The following ADCY8 variants were observed in gnomAD, a reference collection of about 807,000 sequenced individuals.
ADCY8 encodes adenylate cyclase 8.
Under a neutral mutation model 119.7 loss-of-function variants are expected in ADCY8, and 51 were observed. The ratio of observed to expected loss-of-function variants is 0.43; its 90% CI spans 0.34 to 0.54. The LOEUF (loss-of-function observed/expected upper bound fraction) is 0.54, where lower values mean the gene tolerates loss of function less well. ADCY8 is among the 20% of genes least tolerant of loss of function. ADCY8 has a pLI of 0.03. For synonymous variants in ADCY8, 665 were observed against 651.0 expected, an observed-to-expected ratio of 1.02 and a Z score of -0.33; for missense variants, 1,383 against 1,598.8, an observed-to-expected ratio of 0.87 and a Z score of 2.30.
At chr8:130,903,603 C>T (rs922777942) in intron 7 of ADCY8, among the ~76,000 whole-genome samples, 169 bp downstream of exon 7, 8 of 149,584 alleles carry the variant, frequency 5.3e-5, no homozygotes, top group Admixed American at 2.0e-4. Context: ...AAATTGCATA[C>T]GAGGTTAATT....
At chr8:130,973,243 T>A (rs1722214419) in intron 2 of ADCY8, among the ~76,000 whole-genome samples, 1 of 152,252 alleles carries the variant, frequency 6.6e-6, no homozygotes, top group South Asian at 2.1e-4. Flanking sequence ...TGCTTGCACA[T>A]ATGTGCATAA....
At chr8:131,029,410 T>G (rs1381791224) in intron 1 of ADCY8, among the ~76,000 whole-genome samples, 1 of 152,186 alleles carries the variant, frequency 6.6e-6, no homozygotes, top group Non-Finnish European at 1.5e-5. Context: ...AAACCATTCC[T>G]TGGTGCCAAA....
At chr8:130,948,704 T>C (rs576800353) in intron 3 of ADCY8, among the ~76,000 whole-genome samples, 3 of 145,926 alleles carry the variant, frequency 2.1e-5, no homozygotes, top group Non-Finnish European at 4.5e-5. Flanking sequence ...CAGTTTACCA[T>C]GAAGAGGGTG....
At chr8:130,990,713 A>G (rs1216639219) in intron 1 of ADCY8, 171 bp from the exon 2 acceptor site, 1 of 779,604 alleles carries the variant, frequency 1.3e-6, no homozygotes, top group African/African-American at 1.8e-5. Flanking sequence ...GGCAAATGTC[A>G]TCCCTTTGGA....
At position 130,780,816 on chromosome 8, in the gene ADCY8, A is replaced by G. The variant is rs375241333; in HGVS notation, c.3330T>C (p.Ile1110=). The change falls in exon 18 of 18, where the codon ATT becomes ATC. Residue 1110 remains isoleucine, a synonymous_variant. Transcript: ENST00000286355. ...TTGCCAGGTTCACAGTTTTGCCCCA[A>G]ATGTCATACTGTGGTTTCTTAGCGC... is the stretch of plus-strand genomic sequence containing the variant. The part of the protein sequence containing the change: ...VIGAKKPQYD[I]WGKTVNLASR... 5.2e-5 allele frequency: 84 copies of G among 1,614,020 alleles called. No homozygotes were observed. In the Middle Eastern group the frequency reaches 1.3e-3, roughly 25 times the overall value.
intron 2 of ADCY8, among the ~76,000 whole-genome samples, chr8:130,977,161 G>A (rs138244779): frequency 2.7e-4 from 41 of 152,286 alleles, no homozygotes; most frequent in Non-Finnish European, 4.1e-4. Flanking sequence ...GGGTGTGAGC[G>A]CATGGTGTTT....
chr8:130,950,994 G>A (rs1321964051), intron 3 of ADCY8, among the ~76,000 whole-genome samples: 7 of 152,160 alleles, frequency 4.6e-5, no homozygotes, highest in South Asian at 2.1e-4. Flanking sequence ...GACCGTGCCC[G>A]GCCAGTACAT....
intron 1 of ADCY8, among the ~76,000 whole-genome samples, chr8:130,999,294 C>T (rs1822871135): frequency 6.6e-6 from 1 of 152,172 alleles, no homozygotes; most frequent in South Asian, 2.1e-4. Context: ...TCTATGAATT[C>T]TTCTGGAACA....
At chr8:130,954,395 G>A (rs1482641508) in intron 2 of ADCY8, among the ~76,000 whole-genome samples, 1 of 152,172 alleles carries the variant, frequency 6.6e-6, no homozygotes, top group Non-Finnish European at 1.5e-5. Context: ...CAAGTCCATG[G>A]ACATATTTAT....
chr8:130,812,668 G>A (rs933824969), intron 14 of ADCY8, among the ~76,000 whole-genome samples: 8 of 152,156 alleles, frequency 5.3e-5, no homozygotes, highest in Non-Finnish European at 1.2e-4. Context: ...CCAGCACCTT[G>A]ATTTCAGACT....
intron 5 of ADCY8, among the ~76,000 whole-genome samples, chr8:130,936,488 C>T (rs185381190): frequency 1.5e-4 from 23 of 152,276 alleles, no homozygotes; most frequent in Admixed American, 1.4e-3. Flanking sequence ...ACTCTTTCCA[C>T]CCCAGGCTTC....
At chr8:130,898,594 C>A (rs1156350545) in intron 7 of ADCY8, among the ~76,000 whole-genome samples, 1 of 152,128 alleles carries the variant, frequency 6.6e-6, no homozygotes, top group African/African-American at 2.4e-5. Flanking sequence ...CAGAAACATG[C>A]CTGGATTCTC....
At chr8:130,944,453 G>A (rs1245907435) in intron 3 of ADCY8, among the ~76,000 whole-genome samples, 2 of 152,158 alleles carry the variant, frequency 1.3e-5, no homozygotes, top group Non-Finnish European at 2.9e-5. Context: ...TTTTCTTAGT[G>A]TTGCCTAAAA....
chr8:131,005,119 A>G (rs1312795618), intron 1 of ADCY8, among the ~76,000 whole-genome samples: 2 of 152,206 alleles, frequency 1.3e-5, no homozygotes, highest in Non-Finnish European at 2.9e-5. Context: ...GAAAAAATAA[A>G]TCCTTATCAC....
chr8:130,821,337 A>G lies in ADCY8; in HGVS notation c.2754+5T>C. ...CAGAGCAGTCAGAGCGAAATGTTAG[A>G]TTACCTGCTGTCCATGGTAGAACAC... On this transcript the variant is annotated splice_donor_5th_base_variant and intron_variant, in intron 13 of 17. Coordinates refer to ENST00000286355, the MANE Select transcript of ADCY8 (RefSeq NM_001115.3). 1 of 1,611,912 alleles carries G rather than the reference A, an allele frequency of 6.2e-7. No homozygotes were observed. The highest frequency in any genetic ancestry group is 1.3e-5 in the African/African-American group (1 of 74,998).
chr8:130,856,349 T>C (rs866106776), intron 9 of ADCY8, among the ~76,000 whole-genome samples: 12 of 152,032 alleles, frequency 7.9e-5, no homozygotes, highest in African/African-American at 1.9e-4. Flanking sequence ...CAGCACAAAC[T>C]GTCACACTGA....
intron 7 of ADCY8, among the ~76,000 whole-genome samples, chr8:130,895,541 A>T (rs1161630101): frequency 6.6e-6 from 1 of 152,124 alleles, no homozygotes; most frequent in African/African-American, 2.4e-5. Context: ...CTTCAAATCC[A>T]CTTGTCTTTT....
chr8:130,817,610 C>A (rs10098452), intron 13 of ADCY8, among the ~76,000 whole-genome samples: 2 of 152,000 alleles, frequency 1.3e-5, no homozygotes, highest in Admixed American at 6.5e-5. Context: ...AGATGTGACA[C>A]GTTTAGCTTA....
rs148132943 is a variant in ADCY8, at chr8:130,950,024, A to G, written c.1241+1844T>C. On this transcript the variant is annotated intron_variant, in intron 3 of 17. Coordinates refer to ENST00000286355, the MANE Select transcript of ADCY8 (RefSeq NM_001115.3). ...GGGTTGTGTTAGAATCATGATCTCT[A>G]CTGAATTTTAAAACGCGTGTTCCTG... 7.9e-5 allele frequency among the ~76,000 whole-genome samples: 12 copies of G among 152,314 alleles called. No individual in the cohort carries two copies. In the East Asian group the frequency reaches 2.3e-3, roughly 29 times the overall value.
Sources: allele counts gnomAD v4.1 joint callset (sites outside exome capture counted in the v4.1 genomes callset), GRCh38; gene constraint gnomAD v4.1.1; transcripts MANE v1.5; gene names NCBI Gene and HGNC (gene_info 2026-07-23, HGNC 2026-07-21).